The following SDK2 variants were observed in gnomAD, a reference collection of about 807,000 sequenced individuals.
The protein encoded by SDK2 is sidekick cell adhesion molecule 2.
Under a neutral mutation model 253.9 loss-of-function variants are expected in SDK2, and 105 were observed. That is an observed-to-expected ratio of 0.41 (90% CI 0.35 to 0.49). The LOEUF is 0.49. Among genes scored for constraint, SDK2 ranks in the 20% least tolerant of loss-of-function variants. SDK2 has a pLI of 0.06. For missense variants in SDK2, 2,608 were observed against 3,003.0 expected (o/e 0.87, Z 3.07); for synonymous variants, 1,249 against 1,234.9 (o/e 1.01, Z -0.24).
At chr17:73,453,714 T>C (rs946353447) in intron 4 of SDK2, among the ~76,000 whole-genome samples, 1 of 152,152 alleles carries the variant, frequency 6.6e-6, no homozygotes, top group Non-Finnish European at 1.5e-5. Context: ...TCTGTGGCTG[T>C]GGGTAGCTGA....
intron 1 of SDK2, among the ~76,000 whole-genome samples, chr17:73,622,120 A>G (rs2046140551): frequency 1.3e-5 from 2 of 152,242 alleles, no homozygotes; most frequent in African/African-American, 4.8e-5. Context: ...GCTTCCTACC[A>G]TAGTGTATGG....
At chr17:73,407,508 A>ATGGT in intron 18 of SDK2, among the ~76,000 whole-genome samples, 1 of 152,298 alleles carries the variant, frequency 6.6e-6, no homozygotes, top group Middle Eastern at 3.4e-3. Context: ...CCAAACCCAA[A>ATGGT]ACAAAACAGA....
chr17:73,542,777 A>T (rs1316414321), intron 1 of SDK2, among the ~76,000 whole-genome samples: 1 of 152,058 alleles, frequency 6.6e-6, no homozygotes. Flanking sequence ...AACAGGCCTG[A>T]AATTCATGCC....
chr17:73,557,760 G>A lies in SDK2; in HGVS notation c.65-50163C>T, dbSNP rs148209166. Among the ~76,000 whole-genome samples, 790 of 152,156 alleles carry A rather than the reference G, an allele frequency of 5.2e-3. 1 individual carries two copies. Among genetic ancestry groups the A allele is most frequent in the Non-Finnish European group, 7.1e-3 (484 of 68,014 alleles). On this transcript the variant is annotated intron_variant, in intron 1 of 44. Coordinates refer to ENST00000392650, the MANE Select transcript of SDK2 (RefSeq NM_001144952.2). ...GTCCTCTTTCAATAGAGGGTAGAGA[G>A]AACCCAAAGTGTCAAAGCCCTGCCA... is the stretch of plus-strand genomic sequence containing the variant.
intron 1 of SDK2, among the ~76,000 whole-genome samples, chr17:73,579,659 C>G (rs753676668): frequency 6.6e-6 from 1 of 152,044 alleles, no homozygotes; most frequent in Non-Finnish European, 1.5e-5. Context: ...GGGCCCTAAT[C>G]CAATATGACT....
At chr17:73,598,922 G>A (rs557537514) in intron 1 of SDK2, among the ~76,000 whole-genome samples, 1 of 152,362 alleles carries the variant, frequency 6.6e-6, no homozygotes, top group South Asian at 2.1e-4. Flanking sequence ...GCGCCGGCTT[G>A]CTTCGATTTT....
At chr17:73,356,457 G>A (rs916964465) in intron 40 of SDK2, among the ~76,000 whole-genome samples, 1 of 152,210 alleles carries the variant, frequency 6.6e-6, no homozygotes, top group South Asian at 2.1e-4. Context: ...CCCTGGGTCT[G>A]CAGCGCCTGG....
chr17:73,567,115 T>TA (rs1871329717), intron 1 of SDK2, among the ~76,000 whole-genome samples: 1 of 152,180 alleles, frequency 6.6e-6, no homozygotes, highest in Non-Finnish European at 1.5e-5. Flanking sequence ...CCCAGAGGCC[T>TA]AAAAAATGGT....
chr17:73,616,715 C>T lies in SDK2; in HGVS notation c.64+27310G>A, dbSNP rs569044982. ...GAGTTACAGGATAGGAAGCCACTTTCCTCCTGGGCCCAGCCCTTAGAGAGG... is the reference window on the plus strand; with the variant it reads ...GAGTTACAGGATAGGAAGCCACTTTTCTCCTGGGCCCAGCCCTTAGAGAGG... On this transcript the variant is annotated intron_variant, in intron 1 of 44. Transcript: ENST00000392650. This position sits in a 1 kb window ranked among gnomAD's most constrained non-coding sequence, Gnocchi z 5.2. Among the ~76,000 whole-genome samples, 4 of 152,292 alleles carry T rather than the reference C, an allele frequency of 2.6e-5. No homozygotes were observed. Among genetic ancestry groups the T allele is most frequent in the African/African-American group, 9.6e-5 (4 of 41,562 alleles).
chr17:73,466,208 A>G (rs972190676), intron 3 of SDK2, among the ~76,000 whole-genome samples: 6 of 152,158 alleles, frequency 3.9e-5, no homozygotes, highest in Non-Finnish European at 8.8e-5. Context: ...CTAGGCATGT[A>G]TCTACTTGGG....
chr17:73,582,366 C>A (rs901459489), intron 1 of SDK2, among the ~76,000 whole-genome samples: 10 of 152,200 alleles, frequency 6.6e-5, no homozygotes, highest in Non-Finnish European at 1.3e-4. Flanking sequence ...CAGGCATCAG[C>A]ATTTGGGGGT....
In SDK2 at chr17:73,416,199, A is replaced by ATT. The variant is rs55713710; in HGVS notation, c.2187-209_2187-208dup. Among the ~76,000 whole-genome samples the ATT allele has an allele frequency of 2.7e-4, 33 of 120,308 alleles. 1 individual carries two copies. Among genetic ancestry groups the ATT allele is most frequent in the Middle Eastern group, 4.7e-3 (1 of 212 alleles). 78.9% of individuals were successfully genotyped at this position (120,308 alleles called of 152,430 possible). ...TAGTGCAACCGAAGAAATGAATTCA[A>ATT]TTTTTTTTTTTTTTTGAGACGGAGT... On this transcript the variant is annotated intron_variant, in intron 16 of 44. Transcript: ENST00000392650.
chr17:73,450,977 T>G (rs993986147), intron 4 of SDK2, among the ~76,000 whole-genome samples: 1 of 152,234 alleles, frequency 6.6e-6, no homozygotes, highest in Non-Finnish European at 1.5e-5. Flanking sequence ...CCTTGTGTCA[T>G]GGACTGCAGT....
rs982844400 is a variant in SDK2, at chr17:73,343,269, C to T, written c.6166-4329G>A. Among the ~76,000 whole-genome samples the T allele has an allele frequency of 5.9e-5, 9 of 152,366 alleles. No individual in the cohort carries two copies. The East Asian group carries it at 1.5e-3, about 26-fold the overall frequency. On this transcript the variant is annotated intron_variant, in intron 44 of 44. Transcript: ENST00000392650. Reference sequence around the variant, plus strand: ...GGAGAGCAGGGAGCCAAACAGAGCCCGCGCTGCGGGAGGGGCCAGGCAGGC... The same window carrying T: ...GGAGAGCAGGGAGCCAAACAGAGCCTGCGCTGCGGGAGGGGCCAGGCAGGC...
At chr17:73,393,042 C>A (rs537284537) in intron 27 of SDK2, among the ~76,000 whole-genome samples, 2 of 151,738 alleles carry the variant, frequency 1.3e-5, no homozygotes, top group Admixed American at 1.3e-4. Context: ...GTCAGGAGTT[C>A]GAGACCAGCC....
At chr17:73,423,162 C>T (rs2063247673) in intron 14 of SDK2, among the ~76,000 whole-genome samples, 2 of 152,136 alleles carry the variant, frequency 1.3e-5, no homozygotes, top group African/African-American at 4.8e-5. Flanking sequence ...TGTGCCAGGC[C>T]CTGAGTTAAG....
intron 1 of SDK2, chr17:73,520,714 T>A (rs1162485836): frequency 6.6e-6 from 1 of 152,390 alleles, no homozygotes; most frequent in East Asian, 1.9e-4. Flanking sequence ...CCTCTGAGCA[T>A]CTAGAAACTT....
At chr17:73,552,304 T>C (rs971529001) in intron 1 of SDK2, among the ~76,000 whole-genome samples, 4 of 152,264 alleles carry the variant, frequency 2.6e-5, no homozygotes, top group African/African-American at 9.6e-5. Flanking sequence ...ACCAGAATAA[T>C]TGTCTTATTC....
intron 29 of SDK2, 104 bp downstream of exon 29, chr17:73,390,183 G>A: frequency 1.0e-6 from 1 of 981,828 alleles, no homozygotes; most frequent in South Asian, 1.8e-5. Context: ...TTCTCATCCA[G>A]GGCACTGCAG....
Sources: allele counts gnomAD v4.1 joint callset (sites outside exome capture counted in the v4.1 genomes callset), GRCh38; gene constraint gnomAD v4.1.1; non-coding constraint Gnocchi (gnomAD v3.1); transcripts MANE v1.5; gene names NCBI Gene and HGNC (gene_info 2026-07-23, HGNC 2026-07-21).